SH3BGR: variants seen among roughly 807,000 people sequenced by gnomAD.
The protein encoded by SH3BGR is SH3 domain binding glutamate rich protein, also known as SH3 domain-binding glutamic acid-rich protein.
A neutral mutation model predicts 24.5 loss-of-function variants in SH3BGR; 29 were observed. That is an observed-to-expected ratio of 1.18 (90% CI 0.88 to 1.61). SH3BGR has a LOEUF of 1.61. Ranked by LOEUF, SH3BGR falls within the 40% of genes most tolerant of loss-of-function variation. The pLI is 0.00. For synonymous variants in SH3BGR, 55 were observed against 65.7 expected, an observed-to-expected ratio of 0.84 and a Z score of 0.79; for missense variants, 162 against 205.8, an observed-to-expected ratio of 0.79 and a Z score of 1.30.
intron 3 of SH3BGR, chr21:39,488,459 G>A (rs1439445465): frequency 3.9e-6 from 1 of 253,546 alleles, no homozygotes; most frequent in Non-Finnish European, 7.9e-6. Context: ...CCCCACCAAT[G>A]CCGAGGTGCT....
chr21:39,482,407 T>G (rs958480187), intron 3 of SH3BGR, among the ~76,000 whole-genome samples: 1 of 152,248 alleles, frequency 6.6e-6, no homozygotes, highest in Non-Finnish European at 1.5e-5. Context: ...AAAGTAACTG[T>G]AAAATATTTA....
chr21:39,495,342 T>C (rs1479082633), intron 3 of SH3BGR, among the ~76,000 whole-genome samples: 5 of 152,222 alleles, frequency 3.3e-5, no homozygotes, highest in Admixed American at 2.6e-4. Context: ...ACATTGACTA[T>C]TGTGTTTGTT....
At chr21:39,508,276 G>A (rs1004676955) in intron 4 of SH3BGR, among the ~76,000 whole-genome samples, 2 of 152,156 alleles carry the variant, frequency 1.3e-5, no homozygotes, top group Admixed American at 1.3e-4. Flanking sequence ...CTGGCTTCAG[G>A]GAGGTTTATC....
rs2078495059 is a variant in SH3BGR, at chr21:39,501,584, C to T, written c.405+1669C>T. On this transcript the variant is annotated intron_variant, in intron 4 of 6. Transcript: ENST00000333634. ...TCATATTATCAAATTTACTTTTCAA[C>T]TCTTTAATGCCATTTATCCTACAGA... Among the ~76,000 whole-genome samples, 7 of 152,142 alleles carry T rather than the reference C, an allele frequency of 4.6e-5. 1 individual carries two copies. In the South Asian group the frequency reaches 1.0e-3, roughly 23 times the overall value.
intron 4 of SH3BGR, among the ~76,000 whole-genome samples, chr21:39,504,212 C>T (rs1310029123): frequency 6.6e-6 from 1 of 152,222 alleles, no homozygotes; most frequent in African/African-American, 2.4e-5. Flanking sequence ...CCACCCCTCT[C>T]TGGCTTCCTC....
chr21:39,451,534 AC>A (rs920341307), upstream of SH3BGR, among the ~76,000 whole-genome samples: 3 of 152,168 alleles, frequency 2.0e-5, no homozygotes, highest in African/African-American at 7.2e-5. Flanking sequence ...AGGAAAAAAA[AC>A]AAAGTTGCTC....
chr21:39,515,019 A>T (rs190875019), intron 6 of SH3BGR, 69 bp from the exon 7 acceptor site: 5 of 444,292 alleles, frequency 1.1e-5, no homozygotes, highest in Admixed American at 7.7e-5. Context: ...ATGTTAAGTG[A>T]TGAAGATTGT....
intron 2 of SH3BGR, among the ~76,000 whole-genome samples, chr21:39,463,639 G>C (rs1268240657): frequency 2.0e-5 from 3 of 152,142 alleles, no homozygotes; most frequent in Non-Finnish European, 4.4e-5. Flanking sequence ...TACTGCCACT[G>C]TCTGTTTTAT....
intron 4 of SH3BGR, among the ~76,000 whole-genome samples, chr21:39,500,713 G>A (rs1215693410): frequency 6.6e-6 from 1 of 152,144 alleles, no homozygotes; most frequent in Non-Finnish European, 1.5e-5. Flanking sequence ...TTCAAACCCT[G>A]ATGGTTTGCT....
intron 2 of SH3BGR, among the ~76,000 whole-genome samples, chr21:39,471,849 C>T (rs367582949): frequency 1.1e-4 from 16 of 152,202 alleles, no homozygotes; most frequent in African/African-American, 2.4e-4. Flanking sequence ...TTTACAATTC[C>T]GCTATTATAT....
chr21:39,464,149 A>G (rs1004683759), intron 2 of SH3BGR, among the ~76,000 whole-genome samples: 12 of 152,194 alleles, frequency 7.9e-5, no homozygotes, highest in Non-Finnish European at 1.8e-4. Flanking sequence ...AGTCATGGGA[A>G]TAGGGCCCGC....
chr21:39,448,753 CATT>C (rs2077539992), upstream of SH3BGR, among the ~76,000 whole-genome samples: 1 of 152,116 alleles, frequency 6.6e-6, no homozygotes, highest in Admixed American at 6.6e-5. Context: ...CGTATTTTTG[CATT>C]ATTAACTGCT....
intron 1 of SH3BGR, among the ~76,000 whole-genome samples, chr21:39,455,768 C>T (rs1161808884): frequency 6.6e-6 from 1 of 152,210 alleles, no homozygotes; most frequent in Admixed American, 6.5e-5. Context: ...GGCTCCCAGC[C>T]CAGGCAGAAC....
chr21:39,506,190 C>A (rs896450177), intron 4 of SH3BGR, among the ~76,000 whole-genome samples: 1 of 152,194 alleles, frequency 6.6e-6, no homozygotes, highest in Non-Finnish European at 1.5e-5. Flanking sequence ...TGCCCCCAAA[C>A]ACACAGACTA....
intron 2 of SH3BGR, among the ~76,000 whole-genome samples, chr21:39,463,737 G>A (rs1208795341): frequency 6.6e-6 from 1 of 152,212 alleles, no homozygotes; most frequent in Non-Finnish European, 1.5e-5. Context: ...AGATGCAGCA[G>A]AGGCCATATG....
chr21:39,450,249 A>C (rs191652884), upstream of SH3BGR, among the ~76,000 whole-genome samples: 38 of 152,370 alleles, frequency 2.5e-4, no homozygotes, highest in African/African-American at 8.4e-4. Context: ...AATAAAATTT[A>C]TAATTCTACT....
intron 4 of SH3BGR, among the ~76,000 whole-genome samples, chr21:39,506,283 C>G (rs2078581845): frequency 6.6e-6 from 1 of 152,152 alleles, no homozygotes; most frequent in African/African-American, 2.4e-5. Flanking sequence ...AGGAAAGTCT[C>G]CTTGGAAATG....
intron 4 of SH3BGR, among the ~76,000 whole-genome samples, chr21:39,505,036 C>T (rs1414972673): frequency 6.6e-6 from 1 of 152,178 alleles, no homozygotes; most frequent in Non-Finnish European, 1.5e-5. Context: ...TGGCCTCAAA[C>T]TCCTGGCCTC....
At chr21:39,448,491 T>C (rs2077536544), upstream of SH3BGR, among the ~76,000 whole-genome samples, 2 of 152,158 alleles carry the variant, frequency 1.3e-5, no homozygotes, top group Non-Finnish European at 2.9e-5. Context: ...AAAAGTGATG[T>C]TATTTGACTT....
Sources: gnomAD v4.1 joint callset for allele counts (sites outside exome capture counted in the v4.1 genomes callset) on GRCh38, gnomAD v4.1.1 for gene constraint, MANE v1.5 for transcripts, NCBI Gene and HGNC (gene_info 2026-07-23, HGNC 2026-07-21) for gene names.